NCAM2: variants seen among roughly 807,000 people sequenced by gnomAD.
NCAM2 encodes N-CAM-2.
Under a neutral mutation model 98.1 loss-of-function variants are expected in NCAM2, and 30 were observed. The ratio of observed to expected loss-of-function variants is 0.31; its 90% CI spans 0.23 to 0.41. The LOEUF (loss-of-function observed/expected upper bound fraction) is 0.41. Ranked by LOEUF, NCAM2 falls within the 10% of genes least tolerant of loss-of-function variation. NCAM2 has a pLI of 1.00. For synonymous variants in NCAM2, 368 were observed against 342.4 expected (o/e 1.07, Z -0.83); for missense variants, 867 against 1,005.8 (o/e 0.86, Z 1.87).
chr21:21,088,965 T>C (rs1166517192), intron 1 of NCAM2, among the ~76,000 whole-genome samples: 4 of 118,762 alleles, frequency 3.4e-5, no homozygotes, highest in Middle Eastern at 3.6e-3. Context: ...AGCGAAACTC[T>C]GTCTCAAAAA....
In NCAM2 at chr21:21,085,444, C is replaced by G. The variant is rs968394599; in HGVS notation, c.55+86826C>G. ...TGGGTTCCTCAGCTTACACTGGCCT[C>G]TTATATTTCAGTTCCAGCCATGTTG... On this transcript the variant is annotated intron_variant, in intron 1 of 17. Transcript: ENST00000400546. 1.8e-4 allele frequency among the ~76,000 whole-genome samples: 28 copies of G among 152,028 alleles called. 1 individual carries two copies.
At chr21:21,418,267 C>A (rs2077034790) in intron 10 of NCAM2, among the ~76,000 whole-genome samples, 1 of 151,768 alleles carries the variant, frequency 6.6e-6, no homozygotes, top group African/African-American at 2.4e-5. Context: ...TTTGCCTAGT[C>A]CTGTGGATAT....
chr21:21,245,165 T>G (rs992141712), intron 1 of NCAM2, among the ~76,000 whole-genome samples: 1 of 152,158 alleles, frequency 6.6e-6, no homozygotes, highest in Non-Finnish European at 1.5e-5. Context: ...TCCTCCAAGC[T>G]TTTGCTATTG....
At chr21:21,442,694 T>G (rs1979481541) in intron 12 of NCAM2, among the ~76,000 whole-genome samples, 1 of 152,176 alleles carries the variant, frequency 6.6e-6, no homozygotes, top group African/African-American at 2.4e-5. Flanking sequence ...GCCCATAGAC[T>G]GAGCCATTGT....
intron 1 of NCAM2, among the ~76,000 whole-genome samples, chr21:21,135,609 G>A (rs1297828569): frequency 1.3e-5 from 2 of 152,024 alleles, no homozygotes; most frequent in African/African-American, 4.8e-5. Flanking sequence ...CTTGATTAGC[G>A]GTTGCATCTT....
At chr21:21,222,215 G>A (rs2070198509) in intron 1 of NCAM2, among the ~76,000 whole-genome samples, 1 of 152,138 alleles carries the variant, frequency 6.6e-6, no homozygotes, top group Admixed American at 6.6e-5. Flanking sequence ...CAAGAGCTCT[G>A]ATGCAGATGT....
chr21:21,103,218 A>G (rs865804099), intron 1 of NCAM2, among the ~76,000 whole-genome samples: 6 of 115,064 alleles, frequency 5.2e-5, no homozygotes, highest in Admixed American at 4.1e-4. Context: ...TAAACATGGA[A>G]TAAGAAATAC....
At chr21:21,247,133 C>T (rs1024682447) in intron 1 of NCAM2, among the ~76,000 whole-genome samples, 1 of 151,872 alleles carries the variant, frequency 6.6e-6, no homozygotes, top group Non-Finnish European at 1.5e-5. Context: ...TCCTGGCTAA[C>T]ACAGTGAAAC....
intron 1 of NCAM2, chr21:21,210,567 G>A (rs1240746191): frequency 7.8e-7 from 1 of 1,288,566 alleles, no homozygotes; most frequent in Admixed American, 2.3e-5. Flanking sequence ...CCACGATGGT[G>A]AGATCTGATT....
intron 9 of NCAM2, among the ~76,000 whole-genome samples, chr21:21,402,124 G>A (rs1050796694): frequency 2.0e-5 from 3 of 152,226 alleles, no homozygotes; most frequent in African/African-American, 7.2e-5. Context: ...GAATAACAGC[G>A]ATTTTAGGGA....
chr21:21,540,167 A>G lies in NCAM2; in HGVS notation c.*2210A>G, dbSNP rs1023981514. On this transcript the variant is annotated 3_prime_UTR_variant, in exon 18 of 18. Transcript: ENST00000400546. ...AAGAGTGCAGAAATCATAATAAATA[A>G]CAAACTATTTTTGTGTTTTCTCAAT... 5 of 151,948 alleles carry G rather than the reference A, an allele frequency of 3.3e-5. No homozygotes were observed. The highest frequency in any genetic ancestry group is 7.4e-5 in the Non-Finnish European group (5 of 67,968). The allele number at this position is 151,948 out of a possible 1,614,324, so 9.4% of individuals were successfully genotyped here.
At chr21:21,313,226 T>G (rs1481747123) in intron 5 of NCAM2, among the ~76,000 whole-genome samples, 1 of 151,890 alleles carries the variant, frequency 6.6e-6, no homozygotes, top group East Asian at 1.9e-4. Context: ...ATTATTATCC[T>G]TTTATTTTAT....
intron 16 of NCAM2, 133 bp from the exon 17 acceptor site, chr21:21,534,404 G>A: frequency 1.5e-6 from 1 of 648,324 alleles, no homozygotes; most frequent in Non-Finnish European, 2.3e-6. Context: ...GCATTTCTCA[G>A]TGGTTTTCTT....
intron 1 of NCAM2, among the ~76,000 whole-genome samples, chr21:21,057,734 G>C (rs1026286159): frequency 6.6e-6 from 1 of 152,062 alleles, no homozygotes; most frequent in Non-Finnish European, 1.5e-5. Context: ...AAGGGCTGAG[G>C]ATAATAAAAT....
chr21:21,043,095 G>A (rs935266202), intron 1 of NCAM2, among the ~76,000 whole-genome samples: 2 of 152,084 alleles, frequency 1.3e-5, no homozygotes, highest in Non-Finnish European at 2.9e-5. Context: ...ATTTTATCTG[G>A]TTAAGCATTT....
At chr21:21,314,192 A>G (rs1369758892) in intron 5 of NCAM2, among the ~76,000 whole-genome samples, 1 of 152,034 alleles carries the variant, frequency 6.6e-6, no homozygotes, top group Non-Finnish European at 1.5e-5. Context: ...GCCTTGAGCA[A>G]TTCTTTTGTA....
chr21:21,063,383 G>A (rs2065364800), intron 1 of NCAM2, among the ~76,000 whole-genome samples: 4 of 151,708 alleles, frequency 2.6e-5, no homozygotes, highest in Admixed American at 2.6e-4. Context: ...AGCACGCCTG[G>A]CTAATTTTTG....
intron 16 of NCAM2, among the ~76,000 whole-genome samples, chr21:21,526,917 A>G (rs1989353942): frequency 6.6e-6 from 1 of 152,160 alleles, no homozygotes; most frequent in African/African-American, 2.4e-5. Flanking sequence ...AACAACTGTA[A>G]TCCATAAGAA....
chr21:21,076,068 G>T (rs1467189294), intron 1 of NCAM2, among the ~76,000 whole-genome samples: 1 of 149,620 alleles, frequency 6.7e-6, no homozygotes, highest in African/African-American at 2.5e-5. Context: ...AGTGAGGCTA[G>T]ATCATGCCAC....
Sources: gnomAD v4.1 joint callset for allele counts (sites outside exome capture counted in the v4.1 genomes callset) on GRCh38, gnomAD v4.1.1 for gene constraint, MANE v1.5 for transcripts, NCBI Gene and HGNC (gene_info 2026-07-23, HGNC 2026-07-21) for gene names.